ETV6: variants seen among roughly 807,000 people sequenced by gnomAD.
The protein encoded by ETV6 is transcription factor ETV6.
ETV6 carries 16 observed loss-of-function variants against 51.1 expected under a neutral mutation model. The ratio of observed to expected loss-of-function variants is 0.31; its 90% CI spans 0.21 to 0.48. The LOEUF is 0.48. ETV6 is among the 20% of genes least tolerant of loss of function. The probability of loss-of-function intolerance (pLI) is 0.99; values close to 1 mark genes in which losing one functional copy is unlikely to be tolerated. For missense variants in ETV6, 458 were observed against 594.8 expected (o/e 0.77, Z 2.39); for synonymous variants, 240 against 224.1 (o/e 1.07, Z -0.64).
intron 5 of ETV6, among the ~76,000 whole-genome samples, chr12:11,872,428 G>T (rs776245031): frequency 6.6e-6 from 1 of 151,984 alleles, no homozygotes; most frequent in African/African-American, 2.4e-5. Context: ...TAGACTTGAG[G>T]AGTTATTTTT....
At chr12:11,711,414 A>G (rs1348736544) in intron 1 of ETV6, among the ~76,000 whole-genome samples, 1 of 152,084 alleles carries the variant, frequency 6.6e-6, no homozygotes, top group Non-Finnish European at 1.5e-5. Context: ...TCTATATTTC[A>G]TTTGTGGAGG....
rs562846989 is a variant in ETV6, at chr12:11,732,145, T to C, written c.34-20305T>C. Reference sequence around the variant, plus strand: ...CATGGCTCAGTGCAAATCTTTAGCATCACCTGGTAGAAGACAACACTGAGC... The same window carrying C: ...CATGGCTCAGTGCAAATCTTTAGCACCACCTGGTAGAAGACAACACTGAGC... On this transcript the variant is annotated intron_variant, in intron 1 of 7. Coordinates refer to ENST00000396373, the MANE Select transcript of ETV6 (RefSeq NM_001987.5). Among the ~76,000 whole-genome samples, 24 of 152,338 alleles carry C rather than the reference T, an allele frequency of 1.6e-4. No individual in the cohort carries two copies. In the South Asian group the frequency reaches 3.3e-3, roughly 21 times the overall value.
chr12:11,891,211 CT>C lies in ETV6; in HGVS notation c.*167del. 2 of 577,532 alleles carry C rather than the reference CT, an allele frequency of 3.5e-6. No homozygotes were observed. Among genetic ancestry groups the C allele is most frequent in the African/African-American group, 1.9e-5 (1 of 53,454 alleles). The allele number at this position is 577,532 out of a possible 1,614,324, so 35.8% of individuals were successfully genotyped here. ...CAGACCAAGAGGGACCCTGGAGCAC[CT>C]TAGACAAACTACCCAGCACAGGCGG... On this transcript the variant is annotated 3_prime_UTR_variant, in exon 8 of 8. Coordinates refer to ENST00000396373, the MANE Select transcript of ETV6 (RefSeq NM_001987.5).
At chr12:11,784,862 A>ATTTTTTTTT (rs34004409) in intron 2 of ETV6, among the ~76,000 whole-genome samples, 4 of 85,788 alleles carry the variant, frequency 4.7e-5, no homozygotes, top group Admixed American at 1.4e-4. Context: ...TGCCTTGCTA[A>ATTTTTTTTT]TTTTTTTTTT....
chr12:11,680,355 T>G (rs1864502520), intron 1 of ETV6, among the ~76,000 whole-genome samples: 3 of 152,218 alleles, frequency 2.0e-5, no homozygotes, highest in Admixed American at 2.0e-4. Context: ...TTGTTCACAT[T>G]TTTCTCATTT....
At chr12:11,846,279 CAAAG>C (rs1481320782) in intron 3 of ETV6, among the ~76,000 whole-genome samples, 1 of 150,562 alleles carries the variant, frequency 6.6e-6, no homozygotes, top group Non-Finnish European at 1.5e-5. Flanking sequence ...GAATAAAAAT[CAAAG>C]AGAAGAGAGA....
At chr12:11,796,994 A>G (rs1252079728) in intron 2 of ETV6, among the ~76,000 whole-genome samples, 1 of 152,304 alleles carries the variant, frequency 6.6e-6, no homozygotes, top group East Asian at 1.9e-4. Flanking sequence ...ACTATGAGCT[A>G]CCATGCCTGG....
intron 2 of ETV6, among the ~76,000 whole-genome samples, chr12:11,822,840 G>T (rs1162640829): frequency 6.6e-6 from 1 of 152,220 alleles, no homozygotes; most frequent in Non-Finnish European, 1.5e-5. Context: ...TTGGCAACAG[G>T]CATGGAGGAA....
At chr12:11,787,304 T>C (rs1452168311) in intron 2 of ETV6, among the ~76,000 whole-genome samples, 3 of 152,214 alleles carry the variant, frequency 2.0e-5, no homozygotes, top group Non-Finnish European at 2.9e-5. Context: ...AGCACTTGAA[T>C]GTGACTGATC....
chr12:11,716,363 T>C (rs184680932), intron 1 of ETV6, among the ~76,000 whole-genome samples: 14,176 of 127,718 alleles, frequency 0.11, 1,855 homozygotes, highest in African/African-American at 0.32. Context: ...AAAAAAAAGA[T>C]CATTCGGAAC....
chr12:11,822,050 C>A (rs931361169), intron 2 of ETV6, among the ~76,000 whole-genome samples: 1 of 152,208 alleles, frequency 6.6e-6, no homozygotes, highest in African/African-American at 2.4e-5. Flanking sequence ...GAAAGTCTTC[C>A]CTGGCCGTGC....
rs529442961 is a variant in ETV6 at position 11,891,568 on chromosome 12, A to T, written c.*522A>T. On this transcript the variant is annotated 3_prime_UTR_variant, in exon 8 of 8. Coordinates refer to ENST00000396373, the MANE Select transcript of ETV6 (RefSeq NM_001987.5). ...TCCTCTTTTTCCTGCCACGTGGATC[A>T]GGTCTGTTCCTGTTACTGTTGGGTC... The T allele has an allele frequency of 1.9e-6, 1 of 534,966 alleles. No individual in the cohort carries two copies. The highest frequency in any genetic ancestry group is 3.6e-6 in the Non-Finnish European group (1 of 275,526). The allele number at this position is 534,966 out of a possible 1,614,324, so 33.1% of individuals were successfully genotyped here. A position where few individuals can be genotyped will look rare whatever the true frequency, so the allele number is the denominator to read the frequency against.
intron 1 of ETV6, among the ~76,000 whole-genome samples, chr12:11,705,509 G>A (rs1210462291): frequency 1.3e-5 from 2 of 152,148 alleles, no homozygotes; most frequent in East Asian, 3.8e-4. Context: ...TGGACTGTTC[G>A]ACTCTTCTCG....
chr12:11,684,127 A>G (rs1864584292), intron 1 of ETV6, among the ~76,000 whole-genome samples: 1 of 152,244 alleles, frequency 6.6e-6, no homozygotes, highest in Non-Finnish European at 1.5e-5. Flanking sequence ...AATTTCAGGA[A>G]CAATGTGGTC....
intron 2 of ETV6, among the ~76,000 whole-genome samples, chr12:11,836,519 T>C (rs1946318561): frequency 6.6e-6 from 1 of 152,148 alleles, no homozygotes; most frequent in Non-Finnish European, 1.5e-5. Flanking sequence ...CCCTGGTTGC[T>C]TCAGGGGCTG....
intron 1 of ETV6, among the ~76,000 whole-genome samples, chr12:11,717,531 T>A (rs1397293716): frequency 6.6e-6 from 1 of 152,234 alleles, no homozygotes; most frequent in African/African-American, 2.4e-5. Context: ...GGGGCATGTA[T>A]ACATGTGTGT....
chr12:11,891,074 C>T lies in ETV6; in HGVS notation c.*28C>T, dbSNP rs748921752. 1 of 1,565,840 alleles carries T rather than the reference C, an allele frequency of 6.4e-7. No individual in the cohort carries two copies. Among genetic ancestry groups the T allele is most frequent in the African/African-American group, 1.4e-5 (1 of 73,904 alleles). ...GAACCAACAGTCCACCTCAGCGGGC[C>T]AGCAGCCCAGGGAACCCCTGCCCAC... On this transcript the variant is annotated 3_prime_UTR_variant, in exon 8 of 8. Transcript: ENST00000396373.
intron 1 of ETV6, among the ~76,000 whole-genome samples, chr12:11,675,440 C>G (rs75464417): frequency 6.6e-6 from 1 of 152,152 alleles, no homozygotes; most frequent in African/African-American, 2.4e-5. Context: ...CATGTTGTAT[C>G]CCTCTAAAGT....
At chr12:11,840,980 C>T (rs1026845230) in intron 3 of ETV6, 1 of 158,718 alleles carries the variant, frequency 6.3e-6, no homozygotes, top group Non-Finnish European at 1.4e-5. Context: ...ATCCCTACCT[C>T]TTTGTGTTCC....
Sources: gnomAD v4.1 joint callset for allele counts (sites outside exome capture counted in the v4.1 genomes callset) on GRCh38, gnomAD v4.1.1 for gene constraint, MANE v1.5 for transcripts, NCBI Gene and HGNC (gene_info 2026-07-23, HGNC 2026-07-21) for gene names.